TRPC7: variants seen among roughly 807,000 people sequenced by gnomAD.
TRPC7 encodes transient receptor potential cation channel subfamily C member 7.
A neutral mutation model predicts 90.1 loss-of-function variants in TRPC7; 42 were observed. That is an observed-to-expected ratio of 0.47 (90% CI 0.36 to 0.60). TRPC7 has a LOEUF of 0.60. Among genes scored for constraint, TRPC7 ranks in the 20% least tolerant of loss-of-function variants. The pLI, the probability that TRPC7 is intolerant of heterozygous loss-of-function variation, is 0.00. For missense variants in TRPC7, 955 were observed against 1,112.3 expected, an observed-to-expected ratio of 0.86 and a Z score of 2.01; for synonymous variants, 451 against 436.3, an observed-to-expected ratio of 1.03 and a Z score of -0.42.
At chr5:136,238,627 G>C (rs146840874) in intron 7 of TRPC7, among the ~76,000 whole-genome samples, 1 of 152,224 alleles carries the variant, frequency 6.6e-6, no homozygotes, top group Admixed American at 6.5e-5. Flanking sequence ...TCCCCTGTCA[G>C]ACAGTGACCG....
At chr5:136,295,110 G>A (rs997857657) in intron 3 of TRPC7, among the ~76,000 whole-genome samples, 3 of 152,004 alleles carry the variant, frequency 2.0e-5, no homozygotes, top group Non-Finnish European at 2.9e-5. Context: ...GACACAGGAA[G>A]GGGAACATCA....
intron 5 of TRPC7, among the ~76,000 whole-genome samples, chr5:136,254,330 T>C (rs898010036): frequency 1.3e-5 from 2 of 152,134 alleles, no homozygotes; most frequent in African/African-American, 2.4e-5. Context: ...CAGTGCCTGG[T>C]TTCAAAGCTG....
Position 136,247,498 on chromosome 5 carries a change from C to A in TRPC7, c.1817G>T (p.Gly606Val). 1 of 1,613,644 alleles carries A rather than the reference C, an allele frequency of 6.2e-7. No homozygotes were observed. The highest frequency in any genetic ancestry group is 8.5e-7 in the Non-Finnish European group (1 of 1,179,636). ...GMFNLYSYYR[G>V]AKYNPAFTTV... The stretch of plus-strand genomic sequence containing the variant: ...TGTAAACGCTGGGTTGTATTTGGCA[C>A]CTCGGTAGTAAGAGTACAGGTTGAA... Residue 606 changes from glycine (G) to valine (V), a missense_variant, in exon 7 of 12, where the codon GGT (glycine) becomes GTT (valine). By Grantham distance (109) the Gly-to-Val change is moderately radical. Around this residue, in one of 4 missense-constraint regions of TRPC7, gnomAD observed 296 missense variants for 422.7 expected, o/e 0.70. Transcript: ENST00000513104. The surrounding 1 kb of genome is among the most constrained non-coding windows in gnomAD (Gnocchi z 4.2).
intron 2 of TRPC7, among the ~76,000 whole-genome samples, chr5:136,327,243 T>C (rs1759371636): frequency 6.6e-6 from 1 of 152,074 alleles, no homozygotes; most frequent in Admixed American, 6.6e-5. Flanking sequence ...CAATGAGAGA[T>C]AATGGGTGAT....
At chr5:136,341,472 T>TAC (rs1490773950) in intron 2 of TRPC7, among the ~76,000 whole-genome samples, 40 of 89,144 alleles carry the variant, frequency 4.5e-4, no homozygotes, top group East Asian at 2.9e-3. Context: ...TATACATATA[T>TAC]ATACACACAC....
intron 10 of TRPC7, among the ~76,000 whole-genome samples, chr5:136,223,589 G>A (rs543920142): frequency 6.6e-6 from 1 of 151,680 alleles, no homozygotes; most frequent in Non-Finnish European, 1.5e-5. Flanking sequence ...CACCAGCCTG[G>A]GCAACAAGAG....
chr5:136,332,355 G>A (rs557101849), intron 2 of TRPC7, among the ~76,000 whole-genome samples: 31 of 152,208 alleles, frequency 2.0e-4, no homozygotes, highest in Middle Eastern at 3.4e-3. Flanking sequence ...GCACCTGCAC[G>A]GACTGTGACG....
intron 2 of TRPC7, among the ~76,000 whole-genome samples, chr5:136,338,322 A>C (rs1759731808): frequency 6.6e-6 from 1 of 152,230 alleles, no homozygotes; most frequent in Admixed American, 6.5e-5. Flanking sequence ...GTAATTTTAG[A>C]AAAAGGCATA....
chr5:136,326,727 A>G (rs950607068), intron 2 of TRPC7, among the ~76,000 whole-genome samples: 1 of 152,170 alleles, frequency 6.6e-6, no homozygotes, highest in African/African-American at 2.4e-5. Flanking sequence ...CATGGAGCAG[A>G]TAGAGAATTA....
rs1483640631 is a variant in TRPC7, at chr5:136,306,730, A to T, written c.963+8867T>A. 2.0e-5 allele frequency among the ~76,000 whole-genome samples: 3 copies of T among 152,072 alleles called. No individual in the cohort carries two copies. In the East Asian group the frequency reaches 5.8e-4, roughly 29 times the overall value. On this transcript the variant is annotated intron_variant, in intron 3 of 11. Transcript: ENST00000513104. ...CTGCCCCACCCTAACTGATCAATGT[A>T]CTTTGTAATCTCCCCCACCCTTAAG... is the stretch of plus-strand genomic sequence containing the variant.
chr5:136,313,097 A>G (rs935521280), intron 3 of TRPC7, among the ~76,000 whole-genome samples: 4 of 151,506 alleles, frequency 2.6e-5, no homozygotes, highest in African/African-American at 9.7e-5. Flanking sequence ...CATTACAGGC[A>G]TAAGCCACTG....
At chr5:136,223,920 G>A (rs989227684) in intron 10 of TRPC7, among the ~76,000 whole-genome samples, 21 of 152,272 alleles carry the variant, frequency 1.4e-4, no homozygotes, top group Admixed American at 7.8e-4. Flanking sequence ...AATTTTGTGC[G>A]CGATTAAACA....
intron 3 of TRPC7, among the ~76,000 whole-genome samples, chr5:136,284,570 GATA>G (rs2149820521): frequency 1.3e-5 from 2 of 152,322 alleles, no homozygotes; most frequent in South Asian, 4.2e-4. Flanking sequence ...CACAGAAGTT[GATA>G]ATAATGTCTT....
chr5:136,247,809 T>G lies in TRPC7; in HGVS notation c.1580-74A>C, dbSNP rs899672518. The G allele has an allele frequency of 6.6e-6, 10 of 1,523,878 alleles. No individual in the cohort carries two copies. The highest frequency in any genetic ancestry group is 8.8e-6 in the Non-Finnish European group (10 of 1,131,838). The allele number at this position is 1,523,878 out of a possible 1,614,324, so 94.4% of individuals were successfully genotyped here. A position where few individuals can be genotyped will look rare whatever the true frequency, so the allele number is the denominator to read the frequency against. On this transcript the variant is annotated intron_variant, in intron 6 of 11. Transcript: ENST00000513104. This position sits in a 1 kb window ranked among gnomAD's most constrained non-coding sequence, Gnocchi z 4.2. ...AGAAGAGAAACCAGTTAGGCATCTT[T>G]AGAGGTCTCCAACTGCATCATTTGC...
intron 3 of TRPC7, among the ~76,000 whole-genome samples, chr5:136,294,646 G>A (rs1758096343): frequency 6.6e-6 from 1 of 152,132 alleles, no homozygotes; most frequent in Non-Finnish European, 1.5e-5. Flanking sequence ...AACAACAGGT[G>A]CTAGAGAGGA....
At chr5:136,233,345 G>T (rs75762212) in intron 7 of TRPC7, among the ~76,000 whole-genome samples, 5 of 152,196 alleles carry the variant, frequency 3.3e-5, no homozygotes, top group African/African-American at 7.2e-5. Context: ...ATTCTGGAAG[G>T]GGGGAGAACT....
chr5:136,253,859 G>T (rs1756604356), intron 5 of TRPC7, among the ~76,000 whole-genome samples: 1 of 152,222 alleles, frequency 6.6e-6, no homozygotes, highest in Admixed American at 6.5e-5. Context: ...TGTATCAAAA[G>T]CTGAGATAGG....
At chr5:136,301,856 C>T (rs1022221164) in intron 3 of TRPC7, among the ~76,000 whole-genome samples, 8 of 152,210 alleles carry the variant, frequency 5.3e-5, no homozygotes, top group Non-Finnish European at 1.0e-4. Flanking sequence ...TGACTCGGAT[C>T]GGGGGACCTC....
At chr5:136,222,156 GA>G (rs11311160) in intron 10 of TRPC7, 18,828 of 148,252 alleles carry the variant, frequency 0.13, 1,245 homozygotes, top group Middle Eastern at 0.22. Context: ...GGAGCCTAAG[GA>G]AAAAAAAAAC....
Sources: gnomAD v4.1 joint callset for allele counts (sites outside exome capture counted in the v4.1 genomes callset) on GRCh38, gnomAD v4.1.1 for gene constraint, gnomAD v4.1.1 regional missense constraint, Gnocchi (gnomAD v3.1) non-coding constraint, MANE v1.5 for transcripts, NCBI Gene and HGNC (gene_info 2026-07-23, HGNC 2026-07-21) for gene names.